Variants in RPAP2 observed in about 807,000 individuals in gnomAD.
The protein encoded by RPAP2 is RNA polymerase II associated protein 2, also known as putative RNA polymerase II subunit B1 CTD phosphatase RPAP2.
Under a neutral mutation model 73.1 loss-of-function variants are expected in RPAP2, and 52 were observed. That is an observed-to-expected ratio of 0.71 (90% CI 0.57 to 0.90). RPAP2 has a LOEUF of 0.90. RPAP2 is among the 40% of genes least tolerant of loss of function. The probability of loss-of-function intolerance (pLI) is 0.00; values close to 1 mark genes in which losing one functional copy is unlikely to be tolerated. For synonymous variants in RPAP2, 225 were observed against 242.1 expected (o/e 0.93, Z 0.65); for missense variants, 598 against 701.8 (o/e 0.85, Z 1.67).
intron 8 of RPAP2, among the ~76,000 whole-genome samples, chr1:92,331,067 T>C (rs1652933964): frequency 6.6e-6 from 1 of 152,220 alleles, no homozygotes; most frequent in African/African-American, 2.4e-5. Context: ...TAAAAATCTC[T>C]CACCTTAATT....
At chr1:92,311,323 G>C (rs1184943859) in intron 6 of RPAP2, among the ~76,000 whole-genome samples, 2 of 152,104 alleles carry the variant, frequency 1.3e-5, no homozygotes, top group African/African-American at 2.4e-5. Context: ...TGCTACTATA[G>C]AGAAAGTTTT....
intron 11 of RPAP2, 103 bp from the exon 12 acceptor site, chr1:92,380,621 G>A (rs1655588519): frequency 1.4e-6 from 1 of 729,132 alleles, no homozygotes; most frequent in Non-Finnish European, 2.1e-6. Flanking sequence ...AAATCAAAGA[G>A]ACTTTATTAT....
Position 92,392,246 on chromosome 1 carries a change from CAT to C in RPAP2, c.*5237_*5238del, listed in dbSNP as rs1394939027. ...GGTTCAACATATGCAAATCAATAAA[CAT>C]AATCCATCACATAAACAGAACCAAC... On this transcript the variant is annotated 3_prime_UTR_variant, in exon 13 of 13. Transcript: ENST00000610020. The C allele has an allele frequency of 2.6e-5, 4 of 152,170 alleles. No homozygotes were observed. The highest frequency in any genetic ancestry group is 9.7e-5 in the African/African-American group (4 of 41,448). 9.4% of individuals were successfully genotyped at this position (152,170 alleles called of 1,614,324 possible). A position where few individuals can be genotyped will look rare whatever the true frequency, so the allele number is the denominator to read the frequency against.
Position 92,390,965 on chromosome 1 carries a change from T to G in RPAP2, c.*3954T>G, listed in dbSNP as rs1431669257. On this transcript the variant is annotated 3_prime_UTR_variant, in exon 13 of 13. Transcript: ENST00000610020. Reference sequence around the variant, plus strand: ...GACTTTAACACCCCACTGTCAATATTAGACAGATCAACAAGACAGAAAATT... The same window carrying G: ...GACTTTAACACCCCACTGTCAATATGAGACAGATCAACAAGACAGAAAATT... The G allele has an allele frequency of 2.0e-5, 3 of 152,140 alleles. No homozygotes were observed. The highest frequency in any genetic ancestry group is 7.2e-5 in the African/African-American group (3 of 41,426). 9.4% of individuals were successfully genotyped at this position (152,140 alleles called of 1,614,324 possible).
chr1:92,300,360 G>T, intron 2 of RPAP2, 121 bp downstream of exon 2: 9 of 719,274 alleles, frequency 1.3e-5, no homozygotes, highest in South Asian at 7.8e-5. Context: ...GAGAGGGAAG[G>T]GAAAGATCTG....
At chr1:92,375,008 GC>G (rs1202789723) in intron 11 of RPAP2, among the ~76,000 whole-genome samples, 1 of 152,030 alleles carries the variant, frequency 6.6e-6, no homozygotes, top group South Asian at 2.1e-4. Context: ...AGTAGATGGG[GC>G]AAGGAATCTG....
intron 6 of RPAP2, among the ~76,000 whole-genome samples, chr1:92,307,764 G>A (rs1400972811): frequency 6.6e-6 from 1 of 151,546 alleles, no homozygotes; most frequent in African/African-American, 2.4e-5. Context: ...GGCAATGCTG[G>A]AGTTTAGCCT....
At chr1:92,361,159 G>A (rs71650488) in intron 11 of RPAP2, among the ~76,000 whole-genome samples, 3,454 of 149,054 alleles carry the variant, frequency 0.023, 53 homozygotes, top group Middle Eastern at 0.042. Flanking sequence ...ACACACACAC[G>A]TAAGTTTCTA....
chr1:92,322,067 T>C (rs1226923090), intron 7 of RPAP2, among the ~76,000 whole-genome samples: 1 of 149,790 alleles, frequency 6.7e-6, no homozygotes, highest in Admixed American at 6.7e-5. Flanking sequence ...TGCCTCAGCC[T>C]CCTGAGTAAC....
At chr1:92,371,911 A>G (rs1418180074) in intron 11 of RPAP2, among the ~76,000 whole-genome samples, 1 of 145,452 alleles carries the variant, frequency 6.9e-6, no homozygotes, top group African/African-American at 2.6e-5. Context: ...AAAAAAAACC[A>G]GAAAAAGCAA....
At position 92,399,303 on chromosome 1, in the gene RPAP2, A is replaced by G. The variant is rs1020329992; in HGVS notation, c.*12292A>G. 3.3e-5 allele frequency: 5 copies of G among 152,212 alleles called. No individual in the cohort carries two copies. In the South Asian group the frequency reaches 6.2e-4, roughly 19 times the overall value. 9.4% of individuals were successfully genotyped at this position (152,212 alleles called of 1,614,324 possible). On this transcript the variant is annotated 3_prime_UTR_variant, in exon 13 of 13. Transcript: ENST00000610020. ...TCCCTTGGGGCTTGCAAAACTCCCTATGTCTTGCAGACCAAAAGCAAGTTC... is the reference window on the plus strand; with the variant it reads ...TCCCTTGGGGCTTGCAAAACTCCCTGTGTCTTGCAGACCAAAAGCAAGTTC...
rs778111532 is a variant in RPAP2 at position 92,389,180 on chromosome 1, C to T, written c.*2169C>T. On this transcript the variant is annotated 3_prime_UTR_variant, in exon 13 of 13. Transcript: ENST00000610020. ...CAGAGAGGTAGATGCCCCACTGGAA[C>T]GAAGCTTCCACAGTAAGGATCAGGC... The T allele has an allele frequency of 8.5e-5, 13 of 152,912 alleles. No individual in the cohort carries two copies. The highest frequency in any genetic ancestry group is 1.7e-4 in the Non-Finnish European group (12 of 68,660). The allele number at this position is 152,912 out of a possible 1,614,324, so 9.5% of individuals were successfully genotyped here.
chr1:92,306,546 G>A (rs931702887), intron 5 of RPAP2, among the ~76,000 whole-genome samples: 7 of 152,146 alleles, frequency 4.6e-5, no homozygotes, highest in African/African-American at 1.7e-4. Flanking sequence ...CTACTTGAAT[G>A]AATCTTAAAA....
At chr1:92,377,131 A>G (rs190532789) in intron 11 of RPAP2, among the ~76,000 whole-genome samples, 3 of 152,276 alleles carry the variant, frequency 2.0e-5, no homozygotes, top group Non-Finnish European at 4.4e-5. Context: ...AAGGTACTTT[A>G]GTATTATCAG....
intron 9 of RPAP2, among the ~76,000 whole-genome samples, chr1:92,335,115 CTG>C (rs1453445753): frequency 6.6e-6 from 1 of 152,162 alleles, no homozygotes; most frequent in Non-Finnish European, 1.5e-5. Context: ...CGTGATTAAA[CTG>C]TTCTCCATAG....
In RPAP2 at chr1:92,401,586, C is replaced by T. The variant is rs1656318924; in HGVS notation, c.*14575C>T. ...ATACTGGATATAAGTGGTGAAAGCA[C>T]ATATCCTCCCCTTGTTCCTAATTTT... On this transcript the variant is annotated 3_prime_UTR_variant, in exon 13 of 13. Transcript: ENST00000610020. 1 of 152,196 alleles carries T rather than the reference C, an allele frequency of 6.6e-6. No individual in the cohort carries two copies. The highest frequency in any genetic ancestry group is 1.5e-5 in the Non-Finnish European group (1 of 68,040). The allele number at this position is 152,196 out of a possible 1,614,324, so 9.4% of individuals were successfully genotyped here.
intron 6 of RPAP2, among the ~76,000 whole-genome samples, chr1:92,315,072 G>T (rs1482806340): frequency 6.6e-6 from 1 of 151,408 alleles, no homozygotes; most frequent in East Asian, 1.9e-4. Context: ...ATAGAAATTA[G>T]CTTTTCAGAG....
rs937246141 is a variant in RPAP2 at position 92,392,175 on chromosome 1, C to T, written c.*5164C>T. On this transcript the variant is annotated 3_prime_UTR_variant, in exon 13 of 13. Coordinates refer to ENST00000610020, the MANE Select transcript of RPAP2 (RefSeq NM_024813.3). ...CCGAATCCAGCAGCATATCAAAAAG[C>T]TTATCCACCACGATCAAGTCAGCTT... is the stretch of plus-strand genomic sequence containing the variant. 1 of 152,004 alleles carries T rather than the reference C, an allele frequency of 6.6e-6. No homozygotes were observed. Among genetic ancestry groups the T allele is most frequent in the African/African-American group, 2.4e-5 (1 of 41,358 alleles). 9.4% of individuals were successfully genotyped at this position (152,004 alleles called of 1,614,324 possible).
At chr1:92,314,518 G>A (rs1429388997) in intron 6 of RPAP2, among the ~76,000 whole-genome samples, 1 of 152,164 alleles carries the variant, frequency 6.6e-6, no homozygotes, top group African/African-American at 2.4e-5. Context: ...GGGAGGCCAA[G>A]GCCGGTGGAT....
Sources: gnomAD v4.1 joint callset for allele counts (sites outside exome capture counted in the v4.1 genomes callset) on GRCh38, gnomAD v4.1.1 for gene constraint, MANE v1.5 for transcripts, NCBI Gene and HGNC (gene_info 2026-07-23, HGNC 2026-07-21) for gene names.